HYCC1: variants seen among roughly 807,000 people sequenced by gnomAD.
HYCC1 encodes hyccin.
the HYCC1 span, among the ~76,000 whole-genome samples, chr7:22,911,897 T>G: frequency 6.6e-5 from 10 of 152,226 alleles, no homozygotes; most frequent in Non-Finnish European, 1.3e-4. Flanking sequence ...CTTTATCCTC[T>G]TTTCAAAGAG....
the HYCC1 span, among the ~76,000 whole-genome samples, chr7:22,954,363 C>G: frequency 6.6e-6 from 1 of 151,034 alleles, no homozygotes; most frequent in South Asian, 2.1e-4. Context: ...AAATCAATAA[C>G]CAGTTTTAAA....
At chr7:22,922,852 A>G in the HYCC1 span, among the ~76,000 whole-genome samples, 1 of 152,248 alleles carries the variant, frequency 6.6e-6, no homozygotes, top group Non-Finnish European at 1.5e-5. Flanking sequence ...GTGTCAACCC[A>G]TCAGGAAGCT....
the HYCC1 span, among the ~76,000 whole-genome samples, chr7:22,969,829 G>C: frequency 1.3e-5 from 2 of 151,974 alleles, no homozygotes; most frequent in East Asian, 3.9e-4. Context: ...TGGCCCCTTC[G>C]GTATAATTTA....
the HYCC1 span, chr7:22,934,294 A>C: frequency 7.2e-6 from 1 of 138,746 alleles, no homozygotes; most frequent in African/African-American, 2.8e-5. Context: ...GGAAAGTGCC[A>C]GGCTCACTTC....
At chr7:22,958,983 A>G in the HYCC1 span, among the ~76,000 whole-genome samples, 1 of 152,148 alleles carries the variant, frequency 6.6e-6, no homozygotes, top group Non-Finnish European at 1.5e-5. Context: ...ATTAATGCCA[A>G]AACAGAAAAA....
At chr7:22,956,657 T>C in the HYCC1 span, among the ~76,000 whole-genome samples, 1 of 151,884 alleles carries the variant, frequency 6.6e-6, no homozygotes, top group Admixed American at 6.6e-5. Context: ...CGTACCACTC[T>C]GGTGCGGGAT....
chr7:22,918,969 C>A, the HYCC1 span, among the ~76,000 whole-genome samples: 2 of 152,104 alleles, frequency 1.3e-5, no homozygotes, highest in Non-Finnish European at 2.9e-5. Flanking sequence ...AGCCAAGTCA[C>A]AAAAACACAC....
At chr7:22,942,480 T>C in the HYCC1 span, 1 of 152,128 alleles carries the variant, frequency 6.6e-6, no homozygotes, top group Non-Finnish European at 1.5e-5. Context: ...TATTTTTGTT[T>C]CTCTCCCCAC....
At chr7:22,983,758 G>C in the HYCC1 span, 10 of 563,974 alleles carry the variant, frequency 1.8e-5, no homozygotes, top group Middle Eastern at 4.6e-4. Context: ...AAAATGTTCA[G>C]AGATGGCTTC....
chr7:22,921,054 T>C, the HYCC1 span, among the ~76,000 whole-genome samples: 1 of 152,214 alleles, frequency 6.6e-6, no homozygotes, highest in African/African-American at 2.4e-5. Context: ...GCTGGCACCA[T>C]GCTACCTGTA....
the HYCC1 span, among the ~76,000 whole-genome samples, chr7:22,908,547 C>T: frequency 2.6e-5 from 4 of 152,202 alleles, no homozygotes; most frequent in Non-Finnish European, 5.9e-5. Flanking sequence ...TGATCTACAT[C>T]TTCTGTTACT....
chr7:23,008,938 TAAG>T, the HYCC1 span, among the ~76,000 whole-genome samples: 1 of 152,060 alleles, frequency 6.6e-6, no homozygotes, highest in South Asian at 2.1e-4. Flanking sequence ...AAGCCCTTTC[TAAG>T]TAGTGAGGTA....
chr7:22,919,418 T>A, the HYCC1 span, among the ~76,000 whole-genome samples: 1 of 151,828 alleles, frequency 6.6e-6, no homozygotes, highest in Non-Finnish European at 1.5e-5. Context: ...AATCCCAACT[T>A]CTCAGAAGGC....
At chr7:22,967,629 T>A in the HYCC1 span, among the ~76,000 whole-genome samples, 95 of 152,316 alleles carry the variant, frequency 6.2e-4, no homozygotes, top group African/African-American at 2.1e-3. Flanking sequence ...TTGGAAGAGT[T>A]CATTGAAACT....
chr7:22,923,783 C>T, the HYCC1 span, among the ~76,000 whole-genome samples: 1 of 151,862 alleles, frequency 6.6e-6, no homozygotes, highest in Non-Finnish European at 1.5e-5. Context: ...ATACTATAAA[C>T]AACTGTATGC....
the HYCC1 span, among the ~76,000 whole-genome samples, chr7:22,897,775 TTG>T: frequency 5.9e-5 from 9 of 151,832 alleles, no homozygotes; most frequent in African/African-American, 1.9e-4. Flanking sequence ...CAGCTAATTT[TTG>T]TGTGTTTTTA....
the HYCC1 span, chr7:22,935,052 T>C: frequency 5.3e-5 from 8 of 152,220 alleles, no homozygotes; most frequent in Non-Finnish European, 7.3e-5. Context: ...AAGGATAGCA[T>C]CTCAGCCTCT....
At chr7:22,943,584 C>T in the HYCC1 span, 1 of 152,362 alleles carries the variant, frequency 6.6e-6, no homozygotes, top group Non-Finnish European at 1.5e-5. Context: ...TAACATTTCC[C>T]CAAACTTATT....
the HYCC1 span, among the ~76,000 whole-genome samples, chr7:22,930,280 C>G: frequency 7.0e-6 from 1 of 143,530 alleles, no homozygotes; most frequent in Non-Finnish European, 1.5e-5. Context: ...CAACATGGCA[C>G]ATGTATACAT....
Sources: allele counts gnomAD v4.1 joint callset (sites outside exome capture counted in the v4.1 genomes callset), GRCh38; gene constraint gnomAD v4.1.1; transcripts MANE v1.5; gene names NCBI Gene and HGNC (gene_info 2026-07-23, HGNC 2026-07-21).